The following RIT2 variants were observed in gnomAD, a reference collection of about 807,000 sequenced individuals.
RIT2 encodes the protein Ras like without CAAX 2.
RIT2 carries 24 observed loss-of-function variants against 23.7 expected under a neutral mutation model. The ratio of observed to expected loss-of-function variants is 1.01; its 90% CI spans 0.73 to 1.43. The LOEUF is 1.43. RIT2 is among the 40% of genes most tolerant of loss of function. The pLI, the probability that RIT2 is intolerant of heterozygous loss-of-function variation, is 0.00. For missense variants in RIT2, 236 were observed against 266.9 expected, an observed-to-expected ratio of 0.88 and a Z score of 0.81; for synonymous variants, 107 against 91.1, an observed-to-expected ratio of 1.17 and a Z score of -0.99.
chr18:43,091,077 ATAAAT>A (rs891961523), intron 1 of RIT2, among the ~76,000 whole-genome samples: 3 of 152,016 alleles, frequency 2.0e-5, no homozygotes, highest in African/African-American at 7.2e-5. Flanking sequence ...AATTCTTTAA[ATAAAT>A]TAGAGTTTTC....
chr18:42,834,888 T>G (rs903138057), intron 4 of RIT2, among the ~76,000 whole-genome samples: 7 of 152,202 alleles, frequency 4.6e-5, no homozygotes, highest in African/African-American at 1.7e-4. Flanking sequence ...TTTGGCATGC[T>G]TGACATAAAT....
At chr18:42,954,196 G>A (rs1048069357) in intron 3 of RIT2, among the ~76,000 whole-genome samples, 4 of 151,892 alleles carry the variant, frequency 2.6e-5, no homozygotes, top group Non-Finnish European at 4.4e-5. Flanking sequence ...TGGCCAACAT[G>A]GTGAAACCCT....
intron 4 of RIT2, among the ~76,000 whole-genome samples, chr18:42,768,984 A>G (rs1039790399): frequency 6.6e-6 from 1 of 152,174 alleles, no homozygotes; most frequent in Admixed American, 6.5e-5. Context: ...CAGGCTATTC[A>G]GAGAACTACA....
At chr18:43,080,048 GC>G (rs1330469039) in intron 1 of RIT2, among the ~76,000 whole-genome samples, 3 of 152,134 alleles carry the variant, frequency 2.0e-5, no homozygotes, top group African/African-American at 7.2e-5. Flanking sequence ...GGGAACTGAA[GC>G]TTTAAATTTC....
intron 1 of RIT2, among the ~76,000 whole-genome samples, chr18:43,077,311 A>G (rs1446809094): frequency 6.6e-6 from 1 of 152,178 alleles, no homozygotes; most frequent in Non-Finnish European, 1.5e-5. Context: ...ATAGAATATT[A>G]TAAAGAAATC....
chr18:42,866,856 C>T (rs1006452878), intron 4 of RIT2, among the ~76,000 whole-genome samples: 3 of 152,074 alleles, frequency 2.0e-5, no homozygotes, highest in Non-Finnish European at 2.9e-5. Context: ...AAAAAGTCCT[C>T]ATTATAGAGT....
intron 1 of RIT2, among the ~76,000 whole-genome samples, chr18:43,106,692 A>G (rs995266662): frequency 5.3e-5 from 8 of 152,188 alleles, no homozygotes; most frequent in African/African-American, 1.7e-4. Context: ...CTATCTGCCC[A>G]ATACACATGG....
intron 4 of RIT2, among the ~76,000 whole-genome samples, chr18:42,819,024 T>C (rs556340750): frequency 1.2e-4 from 18 of 152,062 alleles, no homozygotes; most frequent in Non-Finnish European, 2.4e-4. Context: ...AGGTCAATGC[T>C]ATATCAAAGT....
intron 2 of RIT2, among the ~76,000 whole-genome samples, chr18:43,004,417 G>A (rs896891034): frequency 2.0e-5 from 3 of 151,656 alleles, no homozygotes; most frequent in Non-Finnish European, 2.9e-5. Context: ...ATAAATTAGG[G>A]TATTTCTATT....
Position 42,743,696 on chromosome 18 carries a change from G to C in RIT2, c.451C>G (p.Leu151Val). 2 of 1,613,112 alleles carry C rather than the reference G, an allele frequency of 1.2e-6. No individual in the cohort carries two copies. Among genetic ancestry groups the C allele is most frequent in the South Asian group, 2.2e-5 (2 of 90,844 alleles). Residue 151 changes from leucine (L) to valine (V), a missense_variant, in exon 5 of 5, where the codon CTT becomes GTT. Transcript: ENST00000326695. ...AAACCACAATTATATTCTTGGGCAA[G>C]ACTCAAGCCTTCTTCTGTAGAAACC... is the stretch of plus-strand genomic sequence containing the variant. Reference protein sequence around the residue: ...RQVSTEEGLSLAQEYNCGFFE... With the variant: ...RQVSTEEGLSVAQEYNCGFFE...
At chr18:43,076,996 G>C (rs896853584) in intron 1 of RIT2, among the ~76,000 whole-genome samples, 6 of 149,584 alleles carry the variant, frequency 4.0e-5, no homozygotes, top group African/African-American at 1.5e-4. Flanking sequence ...CCAGCTACTC[G>C]GGAGGCTGAG....
chr18:42,751,945 A>C (rs1174602662), intron 4 of RIT2, among the ~76,000 whole-genome samples: 1 of 152,112 alleles, frequency 6.6e-6, no homozygotes, highest in Admixed American at 6.5e-5. Context: ...ATACATTTTC[A>C]TGTTTTCAGG....
intron 4 of RIT2, among the ~76,000 whole-genome samples, chr18:42,918,485 C>CT (rs1324877921): frequency 1.3e-5 from 2 of 151,856 alleles, no homozygotes; most frequent in Non-Finnish European, 2.9e-5. Flanking sequence ...ATTACCGAAC[C>CT]TTTTTTTCTC....
At chr18:42,782,927 G>C (rs1014725697) in intron 4 of RIT2, among the ~76,000 whole-genome samples, 1 of 152,060 alleles carries the variant, frequency 6.6e-6, no homozygotes, top group Non-Finnish European at 1.5e-5. Flanking sequence ...AAAGGTAATG[G>C]TCTTAAGAAT....
intron 2 of RIT2, among the ~76,000 whole-genome samples, chr18:43,010,885 C>T (rs1911335295): frequency 6.6e-6 from 1 of 151,544 alleles, no homozygotes; most frequent in Non-Finnish European, 1.5e-5. Context: ...TATTCTGTTG[C>T]CAAGATATAT....
chr18:43,024,784 CTT>C (rs924515399), intron 2 of RIT2, among the ~76,000 whole-genome samples: 4 of 148,466 alleles, frequency 2.7e-5, no homozygotes, highest in Non-Finnish European at 3.0e-5. Flanking sequence ...CATAAAAAGA[CTT>C]TTTTTTTTCA....
intron 4 of RIT2, among the ~76,000 whole-genome samples, chr18:42,920,299 C>T (rs1036704892): frequency 5.9e-5 from 9 of 152,134 alleles, no homozygotes; most frequent in Admixed American, 5.2e-4. Flanking sequence ...AGTCAGAATA[C>T]ACTGGGTTTT....
intron 1 of RIT2, among the ~76,000 whole-genome samples, chr18:43,058,386 G>T (rs1191016439): frequency 6.6e-6 from 1 of 152,036 alleles, no homozygotes; most frequent in Non-Finnish European, 1.5e-5. Context: ...TCACCCGGGA[G>T]CTTGCAAGAA....
chr18:42,900,002 C>T (rs1332724300), intron 4 of RIT2, among the ~76,000 whole-genome samples: 1 of 151,722 alleles, frequency 6.6e-6, no homozygotes, highest in Non-Finnish European at 1.5e-5. Context: ...AATTTAAAAA[C>T]AATTAATAAA....
Sources: gnomAD v4.1 joint callset for allele counts (sites outside exome capture counted in the v4.1 genomes callset) on GRCh38, gnomAD v4.1.1 for gene constraint, MANE v1.5 for transcripts, NCBI Gene and HGNC (gene_info 2026-07-23, HGNC 2026-07-21) for gene names.